Variants in GRAMD1B observed in about 807,000 individuals in gnomAD.
The protein encoded by GRAMD1B is protein Aster-B.
GRAMD1B carries 37 observed loss-of-function variants against 99.7 expected under a neutral mutation model. The observed-to-expected ratio is 0.37, with a 90% CI of 0.29 to 0.49. GRAMD1B has a LOEUF of 0.49. GRAMD1B is among the 20% of genes least tolerant of loss of function. The probability of loss-of-function intolerance (pLI) is 0.98; values close to 1 mark genes in which losing one functional copy is unlikely to be tolerated. For synonymous variants in GRAMD1B, 427 were observed against 387.6 expected (o/e 1.10, Z -1.19); for missense variants, 888 against 1,009.2 (o/e 0.88, Z 1.63).
intron 1 of GRAMD1B, among the ~76,000 whole-genome samples, chr11:123,457,134 A>AAAGAAAGGAAGG (rs1555124313): frequency 6.8e-6 from 1 of 147,482 alleles, no homozygotes; most frequent in African/African-American, 2.5e-5. Context: ...AGAAAGAAAG[A>AAAGAAAGGAAGG]AAGAATTAGA....
chr11:123,545,209 A>G (rs764941666), intron 2 of GRAMD1B, among the ~76,000 whole-genome samples: 1 of 152,224 alleles, frequency 6.6e-6, no homozygotes, highest in Non-Finnish European at 1.5e-5. Context: ...CTGTGCCCCA[A>G]GTGGGTGGGG....
chr11:123,563,467 A>G (rs980089764), intron 2 of GRAMD1B, among the ~76,000 whole-genome samples: 5 of 152,216 alleles, frequency 3.3e-5, no homozygotes, highest in African/African-American at 1.2e-4. Context: ...CTGGAATAAA[A>G]GAAAATGGGA....
intron 3 of GRAMD1B, among the ~76,000 whole-genome samples, chr11:123,583,400 G>GTGTA (rs10668010): frequency 0.66 from 99,003 of 150,504 alleles, 32,508 homozygotes; most frequent in South Asian, 0.78. Context: ...GTGTGCGTGT[G>GTGTA]TGTGTGTGTC....
chr11:123,434,322 G>C (rs892905526), intron 1 of GRAMD1B, among the ~76,000 whole-genome samples: 1 of 151,130 alleles, frequency 6.6e-6, no homozygotes, highest in Non-Finnish European at 1.5e-5. Context: ...ATTCAAATTC[G>C]TGTGACTCAC....
chr11:123,476,848 T>C (rs1951301993), intron 1 of GRAMD1B, among the ~76,000 whole-genome samples: 1 of 152,214 alleles, frequency 6.6e-6, no homozygotes. Context: ...ATCTTGTTGT[T>C]AAGACAGAAT....
chr11:123,519,576 T>TC (rs1941999801), intron 2 of GRAMD1B, among the ~76,000 whole-genome samples: 2 of 152,288 alleles, frequency 1.3e-5, no homozygotes, highest in South Asian at 4.1e-4. Context: ...GAGCTTTGAT[T>TC]CCCCAACGTG....
Position 123,501,928 on chromosome 11 carries a change from A to G in GRAMD1B, c.452+21035A>G, listed in dbSNP as rs149894192. 1.0e-3 allele frequency among the ~76,000 whole-genome samples: 155 copies of G among 152,364 alleles called. 1 individual carries two copies. The Middle Eastern group carries it at 0.01, about 10-fold the overall frequency. ...TTCTTTAGTTTCACTCTCATGCCCA[A>G]GCAGTGAAACAGAGCTGTTGTCTTA... is the stretch of plus-strand genomic sequence containing the variant. On this transcript the variant is annotated intron_variant, in intron 2 of 19. Transcript: ENST00000635736.
chr11:123,471,368 A>G (rs2134671858), intron 1 of GRAMD1B, among the ~76,000 whole-genome samples: 1 of 152,368 alleles, frequency 6.6e-6, no homozygotes, highest in African/African-American at 2.4e-5. Flanking sequence ...TATACCCAGT[A>G]TCTAGATTCT....
intron 1 of GRAMD1B, among the ~76,000 whole-genome samples, chr11:123,436,436 G>A (rs1949163053): frequency 6.6e-6 from 1 of 152,192 alleles, no homozygotes; most frequent in Non-Finnish European, 1.5e-5. Context: ...GAAAAATGAA[G>A]GTGGTGAGGC....
intron 1 of GRAMD1B, among the ~76,000 whole-genome samples, chr11:123,417,594 A>G (rs1022164844): frequency 5.3e-5 from 8 of 152,202 alleles, no homozygotes; most frequent in Non-Finnish European, 2.9e-5. Flanking sequence ...ATACAAATGT[A>G]GTAAATGATC....
At chr11:123,513,567 T>TC (rs1283781806) in intron 2 of GRAMD1B, among the ~76,000 whole-genome samples, 10 of 116,830 alleles carry the variant, frequency 8.6e-5, no homozygotes, top group African/African-American at 3.7e-4. Flanking sequence ...CTTCCTTCCT[T>TC]CCTTCCTTCC....
At chr11:123,407,055 G>C (rs953573010) in intron 1 of GRAMD1B, among the ~76,000 whole-genome samples, 1 of 152,174 alleles carries the variant, frequency 6.6e-6, no homozygotes, top group Non-Finnish European at 1.5e-5. Context: ...AAAGCCTTCT[G>C]TAGGCTTGAG....
intron 1 of GRAMD1B, among the ~76,000 whole-genome samples, chr11:123,408,241 C>T (rs747664085): frequency 2.6e-5 from 4 of 152,156 alleles, no homozygotes; most frequent in Non-Finnish European, 4.4e-5. Context: ...CAGGACTCTA[C>T]GACTGTCACA....
intron 1 of GRAMD1B, among the ~76,000 whole-genome samples, chr11:123,406,450 C>A (rs1947860210): frequency 1.3e-5 from 2 of 152,102 alleles, no homozygotes; most frequent in Admixed American, 1.3e-4. Context: ...GACGGGGTTT[C>A]ACCATATTGT....
intron 1 of GRAMD1B, among the ~76,000 whole-genome samples, chr11:123,461,838 T>C: frequency 6.6e-6 from 1 of 151,832 alleles, no homozygotes; most frequent in African/African-American, 2.4e-5. Context: ...ACTCCTGACC[T>C]CATGCGATAC....
At chr11:123,578,272 G>A (rs1325173053) in intron 3 of GRAMD1B, 2 of 673,140 alleles carry the variant, frequency 3.0e-6, no homozygotes, top group African/African-American at 3.6e-5. Context: ...GGACCCCCAG[G>A]GCCTGGGAAG....
At chr11:123,410,838 T>G (rs1406141078) in intron 1 of GRAMD1B, among the ~76,000 whole-genome samples, 1 of 152,110 alleles carries the variant, frequency 6.6e-6, no homozygotes, top group East Asian at 1.9e-4. Flanking sequence ...AATTACCAAG[T>G]GACTTCTAGG....
intron 2 of GRAMD1B, among the ~76,000 whole-genome samples, chr11:123,558,795 A>G (rs1433091866): frequency 6.6e-6 from 1 of 152,214 alleles, no homozygotes; most frequent in Non-Finnish European, 1.5e-5. Context: ...GCCCAGAACT[A>G]TCTGCTTCCC....
intron 3 of GRAMD1B, among the ~76,000 whole-genome samples, chr11:123,581,683 A>T (rs77497138): frequency 0.021 from 3,184 of 152,284 alleles, 71 homozygotes; most frequent in African/African-American, 0.053. Flanking sequence ...ACTCCTTGGT[A>T]TGTTTCACGT....
Sources: allele counts gnomAD v4.1 joint callset (sites outside exome capture counted in the v4.1 genomes callset), GRCh38; gene constraint gnomAD v4.1.1; transcripts MANE v1.5; gene names NCBI Gene and HGNC (gene_info 2026-07-23, HGNC 2026-07-21).